The following CREB5 variants were observed in gnomAD, a reference collection of about 807,000 sequenced individuals.
The protein encoded by CREB5 is cAMP responsive element binding protein 5.
CREB5 carries 19 observed loss-of-function variants against 57.1 expected under a neutral mutation model. That is an observed-to-expected ratio of 0.33 (90% confidence interval 0.23 to 0.49). The LOEUF (loss-of-function observed/expected upper bound fraction) is 0.49, where lower values mean the gene tolerates loss of function less well. Ranked by LOEUF, CREB5 falls within the 20% of genes least tolerant of loss-of-function variation. CREB5 has a pLI of 0.99. For synonymous variants in CREB5, 238 were observed against 238.3 expected, an observed-to-expected ratio of 1.00 and a Z score of 0.01; for missense variants, 579 against 671.6, an observed-to-expected ratio of 0.86 and a Z score of 1.52.
chr7:28,672,059 T>C (rs1229955815), intron 5 of CREB5, among the ~76,000 whole-genome samples: 2 of 152,106 alleles, frequency 1.3e-5, no homozygotes, highest in Non-Finnish European at 2.9e-5. Flanking sequence ...TATATTTTAC[T>C]ACAATGAATT....
rs371106270 is a variant in CREB5, at chr7:28,560,959, T to TGCGC, written c.292-9403_292-9402insCGCG. ...GTGCGTGCGTGTGTGTGCGTGTGTG[T>TGCGC]GCGTGTGTGTGTGCGTGTGTGCGTG... On this transcript the variant is annotated intron_variant, in intron 4 of 10. Transcript: ENST00000357727. Among the ~76,000 whole-genome samples, 24 of 32,154 alleles carry TGCGC rather than the reference T, an allele frequency of 7.5e-4. 1 individual carries two copies. Among genetic ancestry groups the TGCGC allele is most frequent in the South Asian group, 7.4e-3 (5 of 676 alleles). 21.1% of individuals were successfully genotyped at this position (32,154 alleles called of 152,430 possible).
At chr7:28,756,075 C>T (rs1805279961) in intron 7 of CREB5, among the ~76,000 whole-genome samples, 1 of 152,096 alleles carries the variant, frequency 6.6e-6, no homozygotes, top group Admixed American at 6.5e-5. Flanking sequence ...GAATTTACAG[C>T]ATATATAGCA....
At chr7:28,666,258 C>T (rs1190722019) in intron 5 of CREB5, among the ~76,000 whole-genome samples, 1 of 152,094 alleles carries the variant, frequency 6.6e-6, no homozygotes, top group Non-Finnish European at 1.5e-5. Context: ...ATGTTCTGTG[C>T]CCACCCCTTA....
chr7:28,560,841 T>TGTGCGTGTGTGCGCGCGTGC (rs1443960015), intron 4 of CREB5, among the ~76,000 whole-genome samples: 1 of 75,062 alleles, frequency 1.3e-5, no homozygotes, highest in Non-Finnish European at 2.9e-5. Context: ...CGCGTGTGTG[T>TGTGCGTGTGTGCGCGCGTGC]GTGCGCGTGT....
At chr7:28,688,896 C>T (rs1459222523) in intron 5 of CREB5, among the ~76,000 whole-genome samples, 2 of 152,058 alleles carry the variant, frequency 1.3e-5, no homozygotes, top group African/African-American at 4.8e-5. Context: ...GTCGACTTGG[C>T]TCCGAATTGT....
At chr7:28,361,735 G>T (rs796458215) in intron 1 of CREB5, among the ~76,000 whole-genome samples, 6 of 152,268 alleles carry the variant, frequency 3.9e-5, no homozygotes, top group African/African-American at 1.4e-4. Flanking sequence ...TCCAGAGTTT[G>T]TTCTGTTGCT....
intron 5 of CREB5, among the ~76,000 whole-genome samples, chr7:28,620,550 C>T (rs1188509608): frequency 6.6e-6 from 1 of 152,260 alleles, no homozygotes; most frequent in South Asian, 2.1e-4. Flanking sequence ...TGAAGGTAGG[C>T]AGAAGGTAAG....
intron 1 of CREB5, among the ~76,000 whole-genome samples, chr7:28,378,580 C>G (rs1465866498): frequency 6.6e-6 from 1 of 152,196 alleles, no homozygotes; most frequent in Non-Finnish European, 1.5e-5. Flanking sequence ...TTTTGCCTCT[C>G]TTGGTTTATC....
chr7:28,619,085 G>A lies in CREB5; in HGVS notation c.464+48548G>A, dbSNP rs538458199. ...CTCATTGGGCACATGGCCAAGTCCTGTTCTAAACACTTTAGATTTAACTCA... is the reference window on the plus strand; with the variant it reads ...CTCATTGGGCACATGGCCAAGTCCTATTCTAAACACTTTAGATTTAACTCA... On this transcript the variant is annotated intron_variant, in intron 5 of 10. Coordinates refer to ENST00000357727, the MANE Select transcript of CREB5 (RefSeq NM_182898.4). 3.7e-4 allele frequency among the ~76,000 whole-genome samples: 57 copies of A among 152,312 alleles called. No homozygotes were observed. In the South Asian group the frequency reaches 0.012, roughly 32 times the overall value.
At chr7:28,365,103 C>T (rs1276309904) in intron 1 of CREB5, among the ~76,000 whole-genome samples, 18 of 152,184 alleles carry the variant, frequency 1.2e-4, no homozygotes, top group Admixed American at 1.2e-3. Flanking sequence ...ATTTCCTTGA[C>T]CAAACCACGA....
intron 7 of CREB5, among the ~76,000 whole-genome samples, chr7:28,764,216 A>AC (rs1489722870): frequency 6.6e-6 from 1 of 152,056 alleles, no homozygotes; most frequent in African/African-American, 2.4e-5. Context: ...ACCTGAATAC[A>AC]CCCCTAGGTT....
At chr7:28,521,544 A>G (rs576476203) in intron 4 of CREB5, among the ~76,000 whole-genome samples, 7 of 152,110 alleles carry the variant, frequency 4.6e-5, no homozygotes, top group Non-Finnish European at 1.0e-4. Flanking sequence ...TGCTCTTTTT[A>G]TTATCTTGCC....
intron 1 of CREB5, among the ~76,000 whole-genome samples, chr7:28,428,265 G>C (rs906952442): frequency 5.9e-5 from 9 of 152,178 alleles, no homozygotes; most frequent in African/African-American, 2.2e-4. Flanking sequence ...TGATCATCCA[G>C]GGGCTTTAAA....
chr7:28,552,436 T>G (rs1405692099), intron 4 of CREB5, among the ~76,000 whole-genome samples: 3 of 152,142 alleles, frequency 2.0e-5, no homozygotes, highest in Non-Finnish European at 4.4e-5. Flanking sequence ...CCTCCCATGT[T>G]TCTGGTCTCT....
At chr7:28,650,452 C>T (rs73302872) in intron 5 of CREB5, among the ~76,000 whole-genome samples, 76 of 152,266 alleles carry the variant, frequency 5.0e-4, no homozygotes, top group African/African-American at 1.6e-3. Context: ...ATTTACACAT[C>T]ATTTAGCTGC....
chr7:28,528,689 A>G (rs1231999841), intron 4 of CREB5, among the ~76,000 whole-genome samples: 1 of 134,332 alleles, frequency 7.4e-6, no homozygotes, highest in Non-Finnish European at 1.6e-5. Context: ...GGGCAACAAG[A>G]GCGAAACTCC....
At chr7:28,338,017 C>T (rs991780031) in intron 1 of CREB5, among the ~76,000 whole-genome samples, 1 of 152,118 alleles carries the variant, frequency 6.6e-6, no homozygotes, top group African/African-American at 2.4e-5. Context: ...CACTTAACTT[C>T]ATTCCCCTAC....
At chr7:28,707,892 T>A (rs1040803656) in intron 5 of CREB5, among the ~76,000 whole-genome samples, 1 of 152,214 alleles carries the variant, frequency 6.6e-6, no homozygotes, top group African/African-American at 2.4e-5. Flanking sequence ...TTCTCTAATG[T>A]CTCCCCCATG....
In CREB5 at chr7:28,322,794, T is replaced by C. The variant is rs187323940; in HGVS notation, c.-25+23353T>C. On this transcript the variant is annotated intron_variant, in intron 1 of 9. Coordinates refer to the CREB5 transcript ENST00000396299. Reference sequence around the variant, plus strand: ...AAAGACATGAACTCATCCGTTTTTATGGCTGCATAGTATTCCATGGTGTAT... The same window carrying C: ...AAAGACATGAACTCATCCGTTTTTACGGCTGCATAGTATTCCATGGTGTAT... Among the ~76,000 whole-genome samples the C allele has an allele frequency of 5.1e-3, 779 of 152,354 alleles. 8 individuals carry two copies. The highest frequency in any genetic ancestry group is 0.018 in the African/African-American group (747 of 41,572).
Sources: allele counts gnomAD v4.1 joint callset (sites outside exome capture counted in the v4.1 genomes callset), GRCh38; gene constraint gnomAD v4.1.1; transcripts MANE v1.5; gene names NCBI Gene and HGNC (gene_info 2026-07-23, HGNC 2026-07-21).